Variants in RELN observed in about 807,000 individuals in gnomAD.
RELN encodes reelin.
A neutral mutation model predicts 427.6 loss-of-function variants in RELN; 108 were observed. The ratio of observed to expected loss-of-function variants is 0.25; its 90% CI spans 0.22 to 0.30. RELN has a LOEUF of 0.30. Ranked by LOEUF, RELN falls within the 10% of genes least tolerant of loss-of-function variation. The pLI is 1.00. For synonymous variants in RELN, 1,524 were observed against 1,513.4 expected (o/e 1.01, Z -0.16); for missense variants, 3,715 against 4,302.8 (o/e 0.86, Z 3.82).
At chr7:103,658,620 G>C (rs1833072407) in intron 12 of RELN, among the ~76,000 whole-genome samples, 1 of 151,846 alleles carries the variant, frequency 6.6e-6, no homozygotes, top group Admixed American at 6.6e-5. Context: ...CTCAAGATCT[G>C]GCCACCATTT....
At chr7:103,778,891 G>A (rs965566090) in intron 3 of RELN, among the ~76,000 whole-genome samples, 2 of 152,104 alleles carry the variant, frequency 1.3e-5, no homozygotes, top group Non-Finnish European at 2.9e-5. Context: ...AAATTACGGG[G>A]CTCCACACTA....
rs1270177538 is a variant in RELN, at chr7:103,651,771, A to C, written c.1782T>G (p.Ser594=). The C allele has an allele frequency of 6.2e-7, 1 of 1,611,846 alleles. No homozygotes were observed. The highest frequency in any genetic ancestry group is 2.2e-5 in the East Asian group (1 of 44,716). ...GGGACCAGGAGCGCCCATGGTTGGTAGAAAATTCCAAGCTGACACTAATAA... is the reference window on the plus strand; with the variant it reads ...GGGACCAGGAGCGCCCATGGTTGGTCGAAAATTCCAAGCTGACACTAATAA... The part of the protein sequence containing the change: ...QPGNSVSLEF[S]TNHGRSWSLL... Residue 594 remains serine, a synonymous_variant, in exon 15 of 65, where the codon TCT becomes TCG. Transcript: ENST00000428762.
At chr7:103,810,635 T>TGCA (rs1792718005) in intron 3 of RELN, among the ~76,000 whole-genome samples, 1 of 152,040 alleles carries the variant, frequency 6.6e-6, no homozygotes, top group Admixed American at 6.6e-5. Context: ...GCAGCACTGC[T>TGCA]GGAGACAGAT....
intron 8 of RELN, among the ~76,000 whole-genome samples, chr7:103,708,269 T>TA (rs758940923): frequency 1.3e-5 from 2 of 152,078 alleles, no homozygotes; most frequent in Non-Finnish European, 2.9e-5. Flanking sequence ...ATGTTAGAGG[T>TA]ACATGTGAAC....
chr7:103,748,656 C>A (rs1343809478), intron 6 of RELN, among the ~76,000 whole-genome samples: 1 of 152,158 alleles, frequency 6.6e-6, no homozygotes, highest in Non-Finnish European at 1.5e-5. Flanking sequence ...AAATGAATAT[C>A]ATATGCTGAC....
At chr7:103,688,893 T>C (rs1833816012) in intron 10 of RELN, among the ~76,000 whole-genome samples, 2 of 152,138 alleles carry the variant, frequency 1.3e-5, no homozygotes, top group South Asian at 2.1e-4. Flanking sequence ...TTAGGGCCTT[T>C]TGATGTTTGT....
chr7:103,815,568 T>A (rs1337118894), intron 3 of RELN, among the ~76,000 whole-genome samples: 1 of 152,242 alleles, frequency 6.6e-6, no homozygotes, highest in East Asian at 1.9e-4. Context: ...CTGGACATTT[T>A]GACAATTTTA....
chr7:103,789,842 C>CA (rs1335877352), intron 3 of RELN, among the ~76,000 whole-genome samples: 34 of 152,234 alleles, frequency 2.2e-4, no homozygotes, highest in African/African-American at 7.5e-4. Flanking sequence ...GGTATATACC[C>CA]AAAGAATTAT....
chr7:103,862,377 T>TA (rs1409118313), intron 2 of RELN, among the ~76,000 whole-genome samples: 3 of 151,484 alleles, frequency 2.0e-5, no homozygotes, highest in Non-Finnish European at 4.4e-5. Flanking sequence ...GCCATCCTAT[T>TA]ATAGAACTAG....
chr7:103,642,348 T>TG (rs1436772305), intron 16 of RELN, among the ~76,000 whole-genome samples: 51 of 121,440 alleles, frequency 4.2e-4, no homozygotes, highest in East Asian at 1.9e-3. Context: ...GATTTCATAG[T>TG]GTTTTTTTTT....
chr7:103,482,005 C>T (rs1828257706), intron 63 of RELN: 1 of 152,160 alleles, frequency 6.6e-6, no homozygotes, highest in Non-Finnish European at 1.5e-5. Context: ...TCAGTGAAAA[C>T]TAAGACGAGG....
At chr7:103,788,990 A>G (rs546817611) in intron 3 of RELN, among the ~76,000 whole-genome samples, 1 of 152,218 alleles carries the variant, frequency 6.6e-6, no homozygotes, top group East Asian at 1.9e-4. Context: ...AAAACAACAG[A>G]TACATAGACG....
rs764820157 is a variant in RELN, at chr7:103,572,270, A to G, written c.4512-10T>C. The G allele has an allele frequency of 2.0e-6, 3 of 1,489,396 alleles. No individual in the cohort carries two copies. In the South Asian group the frequency reaches 3.4e-5, roughly 17 times the overall value. 92.3% of individuals were successfully genotyped at this position (1,489,396 alleles called of 1,614,324 possible). ...ATAAAATTGAACAAGTCTGGGGAAT[A>G]AAAACTTTAGTTTACTTACAAACAA... On this transcript the variant is annotated splice_polypyrimidine_tract_variant and intron_variant, in intron 30 of 64. Coordinates refer to ENST00000428762, the MANE Select transcript of RELN (RefSeq NM_005045.4).
At chr7:103,708,699 G>A (rs1789707395) in intron 8 of RELN, among the ~76,000 whole-genome samples, 1 of 151,924 alleles carries the variant, frequency 6.6e-6, no homozygotes, top group Non-Finnish European at 1.5e-5. Flanking sequence ...TCCTGACCTC[G>A]TGATCCGCCC....
intron 2 of RELN, among the ~76,000 whole-genome samples, chr7:103,840,892 C>CA (rs1793536115): frequency 6.6e-6 from 1 of 152,196 alleles, no homozygotes; most frequent in Admixed American, 6.5e-5. Context: ...ATCCATAAAA[C>CA]AATAATTTAA....
intron 36 of RELN, among the ~76,000 whole-genome samples, chr7:103,560,942 T>C (rs1830628288): frequency 6.6e-6 from 1 of 152,202 alleles, no homozygotes; most frequent in African/African-American, 2.4e-5. Flanking sequence ...GGTTAGTCAA[T>C]TTCCCCATGC....
intron 36 of RELN, 143 bp downstream of exon 36, chr7:103,561,389 C>A: frequency 2.6e-6 from 2 of 760,232 alleles, no homozygotes; most frequent in Non-Finnish European, 2.3e-6. Context: ...GAAGAGGAAA[C>A]ATGGTTTGGG....
At chr7:103,915,817 T>C (rs569977307) in intron 2 of RELN, among the ~76,000 whole-genome samples, 1 of 152,336 alleles carries the variant, frequency 6.6e-6, no homozygotes, top group Admixed American at 6.5e-5. Context: ...ACTCTACTTA[T>C]GAATCCTGCT....
chr7:103,740,011 T>C (rs937763794), intron 6 of RELN, among the ~76,000 whole-genome samples: 1 of 151,984 alleles, frequency 6.6e-6, no homozygotes, highest in Non-Finnish European at 1.5e-5. Flanking sequence ...CCAGACTAGA[T>C]GAGATAATGG....
Sources: gnomAD v4.1 joint callset for allele counts (sites outside exome capture counted in the v4.1 genomes callset) on GRCh38, gnomAD v4.1.1 for gene constraint, MANE v1.5 for transcripts, NCBI Gene and HGNC (gene_info 2026-07-23, HGNC 2026-07-21) for gene names.